The following R3HDM1 variants were observed in gnomAD, a reference collection of about 807,000 sequenced individuals.
R3HDM1 encodes the protein R3H domain-containing protein 1.
A neutral mutation model predicts 141.1 loss-of-function variants in R3HDM1; 46 were observed. The observed-to-expected ratio is 0.33, with a 90% CI of 0.26 to 0.42. The LOEUF is 0.42. Ranked by LOEUF, R3HDM1 falls within the 10% of genes least tolerant of loss-of-function variation. The probability of loss-of-function intolerance (pLI) is 1.00; values close to 1 mark genes in which losing one functional copy is unlikely to be tolerated. For synonymous variants in R3HDM1, 435 were observed against 472.9 expected (o/e 0.92, Z 1.04); for missense variants, 1,184 against 1,368.3 (o/e 0.87, Z 2.12).
chr2:135,626,209 GTGCTTGCTTGCTTGCT>G (rs56860646), intron 7 of R3HDM1, among the ~76,000 whole-genome samples: 2 of 143,334 alleles, frequency 1.4e-5, no homozygotes, highest in Admixed American at 6.8e-5. Context: ...GCGTGCGTGC[GTGCTTGCTTGCTTGCT>G]TGCTTGCTTG....
chr2:135,604,278 G>A (rs1020851041), intron 2 of R3HDM1, among the ~76,000 whole-genome samples: 1 of 152,134 alleles, frequency 6.6e-6, no homozygotes, highest in Non-Finnish European at 1.5e-5. Flanking sequence ...TAGGAATCCA[G>A]ATGAAAAAGC....
chr2:135,689,660 G>C (rs1575039482), intron 21 of R3HDM1, among the ~76,000 whole-genome samples: 1 of 152,184 alleles, frequency 6.6e-6, no homozygotes, highest in East Asian at 1.9e-4. Flanking sequence ...AGGCAACTTT[G>C]TGTTTGGATT....
Position 135,536,567 on chromosome 2 carries a change from A to G in R3HDM1, c.-250+4934A>G, listed in dbSNP as rs935222810. ...AGAAATTAGGTAGAGAAAATAAACT[A>G]CATTTGTTTTTATTCTTGACCATTC... On this transcript the variant is annotated intron_variant, in intron 1 of 26. Transcript: ENST00000683871. 1.2e-4 allele frequency: 114 copies of G among 918,412 alleles called. 2 individuals carry two copies. The highest frequency in any genetic ancestry group is 3.9e-6 in the Non-Finnish European group (3 of 769,034). The allele number at this position is 918,412 out of a possible 1,614,324, so 56.9% of individuals were successfully genotyped here.
In R3HDM1 at chr2:135,651,784, G is replaced by A; in HGVS notation, c.1780G>A (p.Ala594Thr). 6.2e-7 allele frequency: 1 copy of A among 1,613,964 alleles called. No individual in the cohort carries two copies. The highest frequency in any genetic ancestry group is 8.5e-7 in the Non-Finnish European group (1 of 1,179,926). ...CATGAGTCTTGCTCGCCAGCCATCT[G>A]CTGATGGTTCTGACCCTCATGCCGC... The part of the protein sequence containing the change: ...SHMSLARQPS[A>T]DGSDPHAAMF... The change falls in exon 18 of 27, where the codon GCT becomes ACT. Residue 594 changes from alanine (A) to threonine (T), a missense_variant. This residue lies in a region of R3HDM1 where 563 missense variants were observed against 562.0 expected (regional missense o/e 1.00). Transcript: ENST00000683871.
chr2:135,531,886 C>T (rs1457309320), intron 1 of R3HDM1, among the ~76,000 whole-genome samples: 10 of 152,324 alleles, frequency 6.6e-5, no homozygotes, highest in Admixed American at 3.3e-4. Flanking sequence ...GCTGCGGCTC[C>T]GGCTGCAGCT....
intron 19 of R3HDM1, chr2:135,666,936 A>T: frequency 3.7e-6 from 1 of 267,428 alleles, no homozygotes; most frequent in Non-Finnish European, 5.7e-6. Flanking sequence ...AAAAAAAAAA[A>T]GAAAACTACC....
At chr2:135,698,030 G>A (rs71348714) in intron 21 of R3HDM1, among the ~76,000 whole-genome samples, 72,280 of 142,228 alleles carry the variant, frequency 0.51, 23,121 homozygotes, top group Non-Finnish European at 0.73. Flanking sequence ...TCCAGCCTGT[G>A]TGACAGAGCA....
chr2:135,650,420 G>C (rs1396074969), intron 17 of R3HDM1: 1 of 984,220 alleles, frequency 1.0e-6, no homozygotes, highest in Non-Finnish European at 1.2e-6. Flanking sequence ...GTAGCTTACA[G>C]CTACAGAGGA....
chr2:135,591,991 G>C (rs941173105), intron 1 of R3HDM1, among the ~76,000 whole-genome samples: 1 of 152,152 alleles, frequency 6.6e-6, no homozygotes, highest in African/African-American at 2.4e-5. Flanking sequence ...TCAGTGTTCA[G>C]AGTTTTTATT....
At position 135,645,660 on chromosome 2, in the gene R3HDM1, C is replaced by G. The variant is rs1389994790; in HGVS notation, c.1623+133C>G. The G allele has an allele frequency of 3.8e-6, 4 of 1,055,922 alleles. No individual in the cohort carries two copies. The Admixed American group carries it at 1.1e-4, about 28-fold the overall frequency. The allele number at this position is 1,055,922 out of a possible 1,614,324, so 65.4% of individuals were successfully genotyped here. On this transcript the variant is annotated intron_variant, in intron 16 of 26. Coordinates refer to ENST00000683871, the MANE Select transcript of R3HDM1 (RefSeq NM_001378107.1). ...ATATTCTGCCACTAGTGATATTCCA[C>G]TCACTACTCATAGGAAAAGAGATAA... is the stretch of plus-strand genomic sequence containing the variant.
chr2:135,665,914 AT>A (rs1258645778), intron 19 of R3HDM1, among the ~76,000 whole-genome samples: 11 of 151,776 alleles, frequency 7.2e-5, no homozygotes, highest in South Asian at 6.2e-4. Context: ...ATATAATTTA[AT>A]TTTTTTTTCC....
At position 135,709,462 on chromosome 2, in the gene R3HDM1, G is replaced by C. The variant is rs775993416; in HGVS notation, c.2489G>C (p.Gly830Ala). 3.7e-6 allele frequency: 6 copies of C among 1,614,084 alleles called. No homozygotes were observed. The South Asian group carries it at 5.5e-5, about 15-fold the overall frequency. ...SSSVGYLQHP[G>A]SEQVQFPRTT... ...TCAGTAGGTTACCTGCAACATCCAG[G>C]ATCAGAACAAGTACAATTTCCTCGA... The change falls in exon 22 of 27, where the codon GGA becomes GCA. Residue 830 changes from glycine to alanine, a missense_variant. Transcript: ENST00000683871.
At chr2:135,649,129 G>A (rs563564602) in intron 16 of R3HDM1, 2 of 150,630 alleles carry the variant, frequency 1.3e-5, no homozygotes, top group East Asian at 2.0e-4. Flanking sequence ...GCAGTGGCGC[G>A]ACCTCGGCTC....
chr2:135,648,789 A>C (rs900542327), intron 16 of R3HDM1, among the ~76,000 whole-genome samples: 3 of 151,800 alleles, frequency 2.0e-5, no homozygotes, highest in Non-Finnish European at 1.5e-5. Context: ...AAAAAAAAAA[A>C]AAAACACCTG....
rs1288246041 is a variant in R3HDM1, at chr2:135,531,586, G to C, written c.-297G>C. ...CTTGCACCCACCCAGCCCCGCCGTC[G>C]CCCCGCCGCGCCGCGCTCCAACCGC... is the stretch of plus-strand genomic sequence containing the variant. On this transcript the variant is annotated 5_prime_UTR_variant, in exon 1 of 27. Transcript: ENST00000683871. The C allele has an allele frequency of 1.0e-6, 1 of 986,492 alleles. No individual in the cohort carries two copies. The highest frequency in any genetic ancestry group is 1.2e-6 in the Non-Finnish European group (1 of 830,594). 61.1% of individuals were successfully genotyped at this position (986,492 alleles called of 1,614,324 possible).
rs548065655 is a variant in R3HDM1, at chr2:135,594,986, C to CCCG, written c.-249-7513_-249-7512insCGC. Among the ~76,000 whole-genome samples, 3 of 151,786 alleles carry CCCG rather than the reference C, an allele frequency of 2.0e-5. No individual in the cohort carries two copies. The South Asian group carries it at 6.3e-4, about 32-fold the overall frequency. On this transcript the variant is annotated intron_variant, in intron 1 of 26. Coordinates refer to ENST00000683871, the MANE Select transcript of R3HDM1 (RefSeq NM_001378107.1). The stretch of plus-strand genomic sequence containing the variant: ...TCCCTAGGGATTCTACACCCCCCCC[C>CCCG]CTTTTCAATGAAGGCTTGTGGGCAA...
At position 135,700,024 on chromosome 2, in the gene R3HDM1, G is replaced by A. The variant is rs566133967; in HGVS notation, c.2460-9409G>A. Among the ~76,000 whole-genome samples the A allele has an allele frequency of 8.5e-5, 13 of 152,062 alleles. No homozygotes were observed. The East Asian group carries it at 1.4e-3, about 16-fold the overall frequency. ...AAGCCCATTTTTCTATAAATCAGTC[G>A]GGATATTTAACAAAATGCAAAATTG... On this transcript the variant is annotated intron_variant, in intron 21 of 26. Coordinates refer to ENST00000683871, the MANE Select transcript of R3HDM1 (RefSeq NM_001378107.1).
intron 1 of R3HDM1, among the ~76,000 whole-genome samples, chr2:135,580,794 C>G (rs981542421): frequency 2.0e-5 from 3 of 152,216 alleles, no homozygotes; most frequent in Non-Finnish European, 4.4e-5. Flanking sequence ...TTCACTCATT[C>G]CTTGAACTTG....
At chr2:135,548,208 T>C (rs1006102362) in intron 1 of R3HDM1, among the ~76,000 whole-genome samples, 13 of 152,364 alleles carry the variant, frequency 8.5e-5, no homozygotes, top group Admixed American at 2.6e-4. Context: ...GCCAATCTGA[T>C]ATTTCATTTT....
Sources: allele counts gnomAD v4.1 joint callset (sites outside exome capture counted in the v4.1 genomes callset), GRCh38; gene constraint gnomAD v4.1.1; regional missense constraint gnomAD v4.1.1; transcripts MANE v1.5; gene names NCBI Gene and HGNC (gene_info 2026-07-23, HGNC 2026-07-21).